The following CACNA1A variants were observed in gnomAD, a reference collection of about 807,000 sequenced individuals.
The protein encoded by CACNA1A is voltage-dependent P/Q-type calcium channel subunit alpha-1A.
A neutral mutation model predicts 262.4 loss-of-function variants in CACNA1A; 57 were observed. The ratio of observed to expected loss-of-function variants is 0.22; its 90% CI spans 0.18 to 0.27. The LOEUF is 0.27. CACNA1A is among the 10% of genes least tolerant of loss of function. CACNA1A has a pLI of 1.00. For missense variants in CACNA1A, 2,526 were observed against 3,562.8 expected, an observed-to-expected ratio of 0.71 and a Z score of 7.41; for synonymous variants, 1,431 against 1,419.3, an observed-to-expected ratio of 1.01 and a Z score of -0.18.
At chr19:13,428,567 A>T (rs996720639) in intron 3 of CACNA1A, among the ~76,000 whole-genome samples, 5 of 152,174 alleles carry the variant, frequency 3.3e-5, no homozygotes, top group Admixed American at 3.3e-4. Flanking sequence ...GGCATATTAC[A>T]CGGATCATCT....
At chr19:13,378,231 A>C (rs1431442341) in intron 3 of CACNA1A, among the ~76,000 whole-genome samples, 1 of 152,216 alleles carries the variant, frequency 6.6e-6, no homozygotes, top group African/African-American at 2.4e-5. Context: ...ATGAGGCGTT[A>C]CTTGTTATGG....
chr19:13,472,040 G>A (rs1478646550), intron 1 of CACNA1A, among the ~76,000 whole-genome samples: 2 of 152,120 alleles, frequency 1.3e-5, no homozygotes, highest in Non-Finnish European at 2.9e-5. Flanking sequence ...ACGGCTTACT[G>A]GAGCCTCAAC....
At chr19:13,331,981 C>G (rs10406930) in intron 9 of CACNA1A, among the ~76,000 whole-genome samples, 84,483 of 152,146 alleles carry the variant, frequency 0.56, 24,940 homozygotes, top group East Asian at 0.96. Context: ...TCTCTAAATT[C>G]TAGGAAACTT....
chr19:13,474,809 TC>T (rs1978335195), intron 1 of CACNA1A, among the ~76,000 whole-genome samples: 1 of 138,582 alleles, frequency 7.2e-6, no homozygotes, highest in Admixed American at 7.2e-5. Flanking sequence ...AGAGGGAGAC[TC>T]CGTCTCAAAA....
At chr19:13,365,135 C>A in intron 5 of CACNA1A, 182 bp downstream of exon 5, 1 of 486,122 alleles carries the variant, frequency 2.1e-6, no homozygotes, top group South Asian at 4.5e-5. Context: ...CTGTGGAACC[C>A]CACCCCTTTC....
chr19:13,451,493 C>G (rs530851176), intron 3 of CACNA1A: 2 of 152,352 alleles, frequency 1.3e-5, no homozygotes, highest in South Asian at 4.1e-4. Flanking sequence ...AATGTCCCTA[C>G]TGGAATCTAA....
intron 1 of CACNA1A, among the ~76,000 whole-genome samples, chr19:13,483,429 T>C (rs1979607278): frequency 6.6e-6 from 1 of 152,078 alleles, no homozygotes; most frequent in African/African-American, 2.4e-5. Context: ...CCACCCCAAC[T>C]CCATAAAGTC....
chr19:13,255,615 G>T (rs182098308), intron 28 of CACNA1A, among the ~76,000 whole-genome samples: 1 of 151,954 alleles, frequency 6.6e-6, no homozygotes, highest in African/African-American at 2.4e-5. Flanking sequence ...CACAGCTACC[G>T]AGTGTGCCAA....
intron 12 of CACNA1A, among the ~76,000 whole-genome samples, chr19:13,310,478 AAAAAAAAAAAAATATAT>A (rs2058002813): frequency 2.0e-5 from 1 of 49,370 alleles, no homozygotes; most frequent in Admixed American, 2.3e-4. Context: ...AAAAAAAAAA[AAAAAAAAAAAAATATAT>A]ATATATATAT....
chr19:13,231,585 C>A (rs1376749500), intron 35 of CACNA1A, 125 bp downstream of exon 35: 3 of 957,342 alleles, frequency 3.1e-6, no homozygotes, highest in Non-Finnish European at 4.7e-6. Context: ...TGATCCCAGG[C>A]TGGTTCAGAG....
Position 13,271,214 on chromosome 19 carries a change from G to GTTTTTTTTTTTTTTTTTTT in CACNA1A, c.3989+4617_3989+4635dup, listed in dbSNP as rs148308280. On this transcript the variant is annotated intron_variant, in intron 24 of 46. Coordinates refer to ENST00000360228, the MANE Select transcript of CACNA1A (RefSeq NM_001127222.2). ...AACTCCCCAAAAGAATCATTCTGCT[G>GTTTTTTTTTTTTTTTTTTT]TTTTTTTTTTTTTTTTTTTTTTTTG... 2 of 80,438 alleles carry GTTTTTTTTTTTTTTTTTTT rather than the reference G, an allele frequency of 2.5e-5. 1 individual carries two copies. The highest frequency in any genetic ancestry group is 4.4e-5 in the Non-Finnish European group (2 of 45,258). The allele number at this position is 80,438 out of a possible 1,614,324, so 5.0% of individuals were successfully genotyped here.
rs2059933473 is a variant in CACNA1A at position 13,402,899 on chromosome 19, TA to T, written c.540-31121del. Reference sequence around the variant, plus strand: ...ATATATATATATATATATATATATATATATATATATATATATACTTGCAAGT... The same window carrying T: ...ATATATATATATATATATATATATATTATATATATATATATACTTGCAAGT... On this transcript the variant is annotated intron_variant, in intron 3 of 46. Coordinates refer to ENST00000360228, the MANE Select transcript of CACNA1A (RefSeq NM_001127222.2). Among the ~76,000 whole-genome samples, 3 of 125,232 alleles carry T rather than the reference TA, an allele frequency of 2.4e-5. No homozygotes were observed. The South Asian group carries it at 7.6e-4, about 32-fold the overall frequency. The allele number at this position is 125,232 out of a possible 152,430, so 82.2% of individuals were successfully genotyped here.
chr19:13,270,616 C>T (rs1320343085), intron 24 of CACNA1A, among the ~76,000 whole-genome samples: 2 of 152,218 alleles, frequency 1.3e-5, no homozygotes, highest in East Asian at 3.8e-4. Flanking sequence ...GCAGTAGCTC[C>T]TATTCTGGTT....
chr19:13,248,571 G>A (rs538233960), intron 30 of CACNA1A, among the ~76,000 whole-genome samples: 4 of 152,172 alleles, frequency 2.6e-5, no homozygotes, highest in Middle Eastern at 3.4e-3. Flanking sequence ...GGCTAGGTAC[G>A]GTGGCTCATG....
intron 4 of CACNA1A, among the ~76,000 whole-genome samples, chr19:13,367,297 A>G (rs1398476957): frequency 1.2e-5 from 1 of 82,622 alleles, no homozygotes; most frequent in African/African-American, 4.0e-5. Flanking sequence ...TCTGTCTCAA[A>G]AAAAAAAAAA....
intron 1 of CACNA1A, among the ~76,000 whole-genome samples, chr19:13,467,468 G>A (rs528137779): frequency 1.0e-3 from 159 of 152,128 alleles, no homozygotes; most frequent in African/African-American, 3.7e-3. Flanking sequence ...GTGACACAGT[G>A]AGACCCTATC....
In CACNA1A at chr19:13,413,895, A is replaced by AAAGAAAGAAAGAAAGAAAG. The variant is rs2060168175; in HGVS notation, c.539+38980_539+38981insCTTTCTTTCTTTCTTTCTT. On this transcript the variant is annotated intron_variant, in intron 3 of 46. Coordinates refer to ENST00000360228, the MANE Select transcript of CACNA1A (RefSeq NM_001127222.2). ...GACTCTGTCAAGAAAGAAAGAAAGAAAAAGAAAGAAAGAAAGAAAGAAAGA... is the reference window on the plus strand; with the variant it reads ...GACTCTGTCAAGAAAGAAAGAAAGAAAAGAAAGAAAGAAAGAAAGAAAGAAAGAAAGAAAGAAAGAAAGA... Among the ~76,000 whole-genome samples, 48 of 119,222 alleles carry AAAGAAAGAAAGAAAGAAAG rather than the reference A, an allele frequency of 4.0e-4. 1 individual carries two copies. The highest frequency in any genetic ancestry group is 1.3e-3 in the African/African-American group (31 of 24,648). The allele number at this position is 119,222 out of a possible 152,430, so 78.2% of individuals were successfully genotyped here. A position where few individuals can be genotyped will look rare whatever the true frequency, so the allele number is the denominator to read the frequency against.
intron 4 of CACNA1A, among the ~76,000 whole-genome samples, chr19:13,367,404 G>A (rs1490152676): frequency 6.6e-6 from 1 of 151,614 alleles, no homozygotes; most frequent in Non-Finnish European, 1.5e-5. Flanking sequence ...TCTGTTCTGA[G>A]CAACCCAATT....
chr19:13,466,677 C>CTAT, intron 1 of CACNA1A, among the ~76,000 whole-genome samples: 1 of 62,916 alleles, frequency 1.6e-5, no homozygotes, highest in Admixed American at 1.8e-4. Flanking sequence ...GCTGCTGCTG[C>CTAT]TACTTTCTTC....
Sources: allele counts gnomAD v4.1 joint callset (sites outside exome capture counted in the v4.1 genomes callset), GRCh38; gene constraint gnomAD v4.1.1; transcripts MANE v1.5; gene names NCBI Gene and HGNC (gene_info 2026-07-23, HGNC 2026-07-21).